The following SLC35E1 variants were observed in gnomAD, a reference collection of about 807,000 sequenced individuals.
SLC35E1 encodes solute carrier family 35, member E1.
A neutral mutation model predicts 31.0 loss-of-function variants in SLC35E1; 12 were observed. The ratio of observed to expected loss-of-function variants is 0.39; its 90% CI spans 0.25 to 0.63. SLC35E1 has a LOEUF of 0.63. Ranked by LOEUF, SLC35E1 falls within the 20% of genes least tolerant of loss-of-function variation. The probability of loss-of-function intolerance (pLI) is 0.52; values close to 1 mark genes in which losing one functional copy is unlikely to be tolerated. For missense variants in SLC35E1, 429 were observed against 572.2 expected (o/e 0.75, Z 2.55); for synonymous variants, 257 against 264.1 (o/e 0.97, Z 0.26).
intron 4 of SLC35E1, chr19:16,566,242 G>T (rs1049169448): frequency 1.9e-5 from 7 of 377,502 alleles, no homozygotes; most frequent in Non-Finnish European, 3.4e-5. Flanking sequence ...GGACTATACT[G>T]TCAGGAGGTG....
chr19:16,560,505 C>T (rs2085899152), intron 4 of SLC35E1, among the ~76,000 whole-genome samples: 1 of 152,066 alleles, frequency 6.6e-6, no homozygotes, highest in African/African-American at 2.4e-5. Context: ...GCTGCTGCCA[C>T]CAACGTAGGA....
intron 2 of SLC35E1, among the ~76,000 whole-genome samples, chr19:16,570,882 A>G (rs2085954449): frequency 6.6e-6 from 1 of 152,134 alleles, no homozygotes; most frequent in African/African-American, 2.4e-5. Context: ...GGATCACTTG[A>G]GGTCAGGAGT....
At position 16,568,186 on chromosome 19, in the gene SLC35E1, T is replaced by C. The variant is rs376299472; in HGVS notation, c.493-17A>G. On this transcript the variant is annotated splice_polypyrimidine_tract_variant and intron_variant, in intron 2 of 5. Transcript: ENST00000595753. The stretch of plus-strand genomic sequence containing the variant: ...CAAGTATACCTGCAGGAAGAGGTCA[T>C]CAAGAAGGGCTCACAGGCCAGACTA... 70 of 1,599,720 alleles carry C rather than the reference T, an allele frequency of 4.4e-5. No individual in the cohort carries two copies. The highest frequency in any genetic ancestry group is 5.6e-5 in the Non-Finnish European group (66 of 1,173,276).
intron 4 of SLC35E1, chr19:16,566,217 G>A (rs1171160344): frequency 4.6e-6 from 1 of 217,642 alleles, no homozygotes; most frequent in Non-Finnish European, 9.1e-6. Context: ...AAAATAAAAA[G>A]TCAATGTGCT....
At chr19:16,554,921 G>A (rs2085867878) in intron 5 of SLC35E1, among the ~76,000 whole-genome samples, 1 of 152,156 alleles carries the variant, frequency 6.6e-6, no homozygotes, top group South Asian at 2.1e-4. Flanking sequence ...TGAGAGGAGG[G>A]AGGGAAAACC....
chr19:16,571,636 C>T, intron 1 of SLC35E1, 54 bp from the exon 2 acceptor site: 1 of 1,585,428 alleles, frequency 6.3e-7, no homozygotes, highest in Non-Finnish European at 8.6e-7. Context: ...AGGGCCCAAC[C>T]TGTTCCACCT....
In SLC35E1 at chr19:16,568,189, A is replaced by G. The variant is rs2122348277; in HGVS notation, c.493-20T>C. On this transcript the variant is annotated intron_variant, in intron 2 of 5. Transcript: ENST00000595753. ...GTATACCTGCAGGAAGAGGTCATCA[A>G]GAAGGGCTCACAGGCCAGACTAGAG... 6.3e-7 allele frequency: 1 copy of G among 1,599,040 alleles called. No individual in the cohort carries two copies. Among genetic ancestry groups the G allele is most frequent in the Non-Finnish European group, 8.5e-7 (1 of 1,172,982 alleles).
intron 4 of SLC35E1, among the ~76,000 whole-genome samples, chr19:16,559,744 C>T (rs1270211517): frequency 1.3e-5 from 2 of 152,184 alleles, no homozygotes; most frequent in South Asian, 2.1e-4. Flanking sequence ...CCTTGGAGCA[C>T]GATGGTAATC....
At chr19:16,553,973 T>C (rs2085859966) in intron 5 of SLC35E1, 64 bp from the exon 6 acceptor site, 2 of 1,417,632 alleles carry the variant, frequency 1.4e-6, no homozygotes, top group Non-Finnish European at 1.9e-6. Context: ...TAATTCAAAG[T>C]CAATCAACTG....
intron 3 of SLC35E1, among the ~76,000 whole-genome samples, chr19:16,567,808 C>T (rs1038616284): frequency 1.3e-5 from 2 of 152,202 alleles, no homozygotes; most frequent in African/African-American, 4.8e-5. Context: ...CCCGCCTTGG[C>T]CTCCCAAAGT....
chr19:16,560,188 G>A (rs888068548), intron 4 of SLC35E1, among the ~76,000 whole-genome samples: 11 of 152,268 alleles, frequency 7.2e-5, no homozygotes, highest in Middle Eastern at 6.8e-3. Context: ...GCTCAGGGGC[G>A]AGCCTGGGAT....
chr19:16,568,201 A>C, intron 2 of SLC35E1, 32 bp from the exon 3 acceptor site: 1 of 1,584,590 alleles, frequency 6.3e-7, no homozygotes, highest in Non-Finnish European at 8.6e-7. Flanking sequence ...AAGGGCTCAC[A>C]GGCCAGACTA....
chr19:16,550,871 C>A lies in SLC35E1; in HGVS notation c.*2808G>T, dbSNP rs1392994595. On this transcript the variant is annotated 3_prime_UTR_variant, in exon 6 of 6. Transcript: ENST00000595753. ...TAAATTTATATACAGAATTAAATAG[C>A]CCATTTATTAATTTATAAACCATAA... is the stretch of plus-strand genomic sequence containing the variant. 1.3e-5 allele frequency: 2 copies of A among 152,120 alleles called. No homozygotes were observed. Among genetic ancestry groups the A allele is most frequent in the Non-Finnish European group, 2.9e-5 (2 of 68,042 alleles). 9.4% of individuals were successfully genotyped at this position (152,120 alleles called of 1,614,324 possible).
intron 4 of SLC35E1, 187 bp downstream of exon 4, chr19:16,566,345 G>T: frequency 1.4e-6 from 1 of 724,274 alleles, no homozygotes; most frequent in Non-Finnish European, 2.2e-6. Flanking sequence ...AAATACACAG[G>T]AAACCCACTT....
intron 1 of SLC35E1, 34 bp downstream of exon 1, chr19:16,571,910 G>A (rs1420732024): frequency 6.6e-7 from 1 of 1,524,704 alleles, no homozygotes; most frequent in South Asian, 1.2e-5. Context: ...CGGCGGGCCC[G>A]GCCGCCGCCC....
At chr19:16,570,337 G>A (rs2122352057) in intron 2 of SLC35E1, among the ~76,000 whole-genome samples, 1 of 152,262 alleles carries the variant, frequency 6.6e-6, no homozygotes, top group African/African-American at 2.4e-5. Context: ...ACAAAGACAG[G>A]CAGGAATAAA....
rs769242085 is a variant in SLC35E1, at chr19:16,568,021, T to C, written c.630+11A>G. 3.1e-6 allele frequency: 5 copies of C among 1,602,246 alleles called. No homozygotes were observed. ...AAACCCCATGCATGTCCGCTGATGG[T>C]GACCAAATACCTTTTTGGAGAAAAT... On this transcript the variant is annotated intron_variant, in intron 3 of 5. Coordinates refer to ENST00000595753, the MANE Select transcript of SLC35E1 (RefSeq NM_024881.5).
intron 5 of SLC35E1, among the ~76,000 whole-genome samples, chr19:16,554,914 G>C (rs1056685421): frequency 6.6e-6 from 1 of 152,056 alleles, no homozygotes; most frequent in Non-Finnish European, 1.5e-5. Context: ...GAGCCTTTGA[G>C]AGGAGGGAGG....
intron 4 of SLC35E1, among the ~76,000 whole-genome samples, chr19:16,562,915 G>A (rs2085914309): frequency 6.6e-6 from 1 of 152,160 alleles, no homozygotes; most frequent in South Asian, 2.1e-4. Context: ...GTTTCACCAT[G>A]TTGACCAGGC....
Sources: allele counts gnomAD v4.1 joint callset (sites outside exome capture counted in the v4.1 genomes callset), GRCh38; gene constraint gnomAD v4.1.1; transcripts MANE v1.5; gene names NCBI Gene and HGNC (gene_info 2026-07-23, HGNC 2026-07-21).